The following TCF12 variants were observed in gnomAD, a reference collection of about 807,000 sequenced individuals.
TCF12 encodes transcription factor 12.
Under a neutral mutation model 86.0 loss-of-function variants are expected in TCF12, and 45 were observed. The ratio of observed to expected loss-of-function variants is 0.52; its 90% CI spans 0.41 to 0.67. The LOEUF (loss-of-function observed/expected upper bound fraction) is 0.67. Among genes scored for constraint, TCF12 ranks in the 30% least tolerant of loss-of-function variants. The pLI is 0.00. For synonymous variants in TCF12, 330 were observed against 299.6 expected, an observed-to-expected ratio of 1.10 and a Z score of -1.05; for missense variants, 881 against 859.9, an observed-to-expected ratio of 1.02 and a Z score of -0.31.
At chr15:56,931,921 A>G (rs1022454496) in intron 3 of TCF12, among the ~76,000 whole-genome samples, 1 of 152,198 alleles carries the variant, frequency 6.6e-6, no homozygotes, top group Admixed American at 6.5e-5. Context: ...AAGAACCATG[A>G]TACAATGTTG....
intron 1 of TCF12, 22 bp downstream of exon 1, chr15:56,918,928 G>A (rs1567099838): frequency 6.6e-6 from 1 of 152,456 alleles, no homozygotes; most frequent in African/African-American, 2.4e-5. Context: ...CTAGCGAGCG[G>A]GAGTGGGGCG....
chr15:57,259,704 C>G (rs550786213), intron 16 of TCF12, among the ~76,000 whole-genome samples: 5 of 152,294 alleles, frequency 3.3e-5, no homozygotes, highest in African/African-American at 1.2e-4. Context: ...CCTGCTACTC[C>G]CCTAACAGCG....
At chr15:57,211,955 TACAC>T (rs1288292000) in intron 8 of TCF12, among the ~76,000 whole-genome samples, 12 of 96,692 alleles carry the variant, frequency 1.2e-4, no homozygotes, top group African/African-American at 3.6e-4. Flanking sequence ...CTTTGAGACA[TACAC>T]ACACACGCAC....
chr15:57,140,097 G>A (rs1315045032), intron 5 of TCF12, among the ~76,000 whole-genome samples: 1 of 152,088 alleles, frequency 6.6e-6, no homozygotes, highest in Non-Finnish European at 1.5e-5. Context: ...AGAGACATTT[G>A]TACACCTATG....
At chr15:57,218,162 A>G (rs1211023183) in intron 8 of TCF12, among the ~76,000 whole-genome samples, 1 of 152,144 alleles carries the variant, frequency 6.6e-6, no homozygotes, top group East Asian at 1.9e-4. Flanking sequence ...ATATTCCTAG[A>G]ATATTTCACA....
At chr15:57,033,292 A>AATT (rs1213539304) in intron 3 of TCF12, among the ~76,000 whole-genome samples, 1 of 152,220 alleles carries the variant, frequency 6.6e-6, no homozygotes, top group Non-Finnish European at 1.5e-5. Context: ...GATTGTGTTA[A>AATT]AAGTCATAGA....
intron 5 of TCF12, among the ~76,000 whole-genome samples, chr15:57,100,977 C>T (rs1177505380): frequency 3.3e-5 from 5 of 152,140 alleles, no homozygotes; most frequent in African/African-American, 1.2e-4. Context: ...TTGAATAAGC[C>T]TCACATTTTA....
rs544660100 is a variant in TCF12 at position 57,066,725 on chromosome 15, C to T, written c.222+2902C>T. The stretch of plus-strand genomic sequence containing the variant: ...CTGAGCTGCCTGCCATTCTATCCCT[C>T]TCCCATTCCCATGCCAAACTATAAG... On this transcript the variant is annotated intron_variant, in intron 4 of 20. Coordinates refer to ENST00000333725, the MANE Select transcript of TCF12 (RefSeq NM_207037.2). Among the ~76,000 whole-genome samples the T allele has an allele frequency of 3.3e-5, 5 of 152,292 alleles. No individual in the cohort carries two copies. In the South Asian group the frequency reaches 1.0e-3, roughly 32 times the overall value.
At chr15:57,250,308 T>C (rs1387500847) in intron 13 of TCF12, among the ~76,000 whole-genome samples, 1 of 152,202 alleles carries the variant, frequency 6.6e-6, no homozygotes, top group Non-Finnish European at 1.5e-5. Flanking sequence ...GAAATGCTAC[T>C]TATCCTCAAA....
chr15:57,219,241 C>T, intron 8 of TCF12: 1 of 1,146,108 alleles, frequency 8.7e-7, no homozygotes, highest in African/African-American at 1.6e-5. Context: ...TTATTTAGCG[C>T]TTAAAAGTGA....
intron 3 of TCF12, among the ~76,000 whole-genome samples, chr15:57,048,742 ATCC>A (rs2067408137): frequency 6.6e-6 from 1 of 152,170 alleles, no homozygotes; most frequent in South Asian, 2.1e-4. Flanking sequence ...TGTACCCATT[ATCC>A]TCTGGAAACC....
intron 5 of TCF12, among the ~76,000 whole-genome samples, chr15:57,152,230 C>T (rs528681199): frequency 5.9e-5 from 9 of 152,264 alleles, no homozygotes; most frequent in African/African-American, 1.9e-4. Flanking sequence ...CTGTTCTACC[C>T]ACAGTATCCT....
chr15:57,142,995 TAACTA>T (rs1377076422), intron 5 of TCF12, among the ~76,000 whole-genome samples: 2 of 152,106 alleles, frequency 1.3e-5, no homozygotes, highest in African/African-American at 4.8e-5. Flanking sequence ...AGTTTTAAAA[TAACTA>T]AAAGAGTATA....
intron 8 of TCF12, among the ~76,000 whole-genome samples, chr15:57,227,194 G>T (rs1213374813): frequency 1.3e-5 from 2 of 152,038 alleles, no homozygotes; most frequent in African/African-American, 4.8e-5. Flanking sequence ...TAGATAAAAA[G>T]AAAAACTATC....
intron 5 of TCF12, among the ~76,000 whole-genome samples, chr15:57,142,062 CAA>C (rs1214775066): frequency 2.6e-5 from 4 of 152,100 alleles, no homozygotes; most frequent in Admixed American, 2.6e-4. Context: ...ACAGCAAAAA[CAA>C]GAGGAGGTGA....
intron 8 of TCF12, among the ~76,000 whole-genome samples, chr15:57,223,184 T>C (rs982417911): frequency 1.1e-4 from 17 of 152,116 alleles, no homozygotes; most frequent in African/African-American, 3.6e-4. Context: ...AGGTTCAACC[T>C]CACCTATTTT....
At chr15:57,211,146 T>C (rs547126579) in intron 8 of TCF12, among the ~76,000 whole-genome samples, 14 of 152,364 alleles carry the variant, frequency 9.2e-5, no homozygotes, top group Admixed American at 2.6e-4. Context: ...TTGCACATTA[T>C]TGAGAAACCA....
chr15:57,023,060 A>G (rs927100211), intron 3 of TCF12, among the ~76,000 whole-genome samples: 6 of 152,192 alleles, frequency 3.9e-5, no homozygotes, highest in Admixed American at 3.9e-4. Context: ...ATTAAATGTC[A>G]TAATTTGCTG....
intron 4 of TCF12, among the ~76,000 whole-genome samples, chr15:57,087,411 C>CAA (rs5812863): frequency 0.028 from 3,638 of 131,428 alleles, 156 homozygotes; most frequent in African/African-American, 0.093. Context: ...GACCCTGTCT[C>CAA]AAAAAAAAAA....
Sources: allele counts gnomAD v4.1 joint callset (sites outside exome capture counted in the v4.1 genomes callset), GRCh38; gene constraint gnomAD v4.1.1; transcripts MANE v1.5; gene names NCBI Gene and HGNC (gene_info 2026-07-23, HGNC 2026-07-21).